NINL: variants seen among roughly 807,000 people sequenced by gnomAD.
NINL encodes ninein like, also known as ninein-like protein.
A neutral mutation model predicts 160.3 loss-of-function variants in NINL; 153 were observed. The observed-to-expected ratio is 0.95, with a 90% CI of 0.84 to 1.09. The LOEUF is 1.09. Among genes scored for constraint, NINL ranks in the 50% least tolerant of loss-of-function variants. The pLI, the probability that NINL is intolerant of heterozygous loss-of-function variation, is 0.00. For missense variants in NINL, 1,829 were observed against 1,764.0 expected (o/e 1.04, Z -0.66); for synonymous variants, 800 against 734.8 (o/e 1.09, Z -1.43).
intron 1 of NINL, among the ~76,000 whole-genome samples, chr20:25,576,756 C>T (rs530300558): frequency 1.3e-5 from 2 of 152,328 alleles, no homozygotes; most frequent in East Asian, 3.9e-4. Context: ...GCCACCGTGC[C>T]AGCCTGAGAA....
chr20:25,467,475 A>G lies in NINL; in HGVS notation c.3354-17T>C. On this transcript the variant is annotated splice_polypyrimidine_tract_variant and intron_variant, in intron 18 of 23. Transcript: ENST00000278886. ...ATTTCCTTCCTGTTGAAGAAGCACA[A>G]TTAACAGTGATACCACTTGTGACCA... is the stretch of plus-strand genomic sequence containing the variant. The G allele has an allele frequency of 6.3e-7, 1 of 1,596,938 alleles. No homozygotes were observed. The highest frequency in any genetic ancestry group is 8.6e-7 in the Non-Finnish European group (1 of 1,164,400).
rs1296284146 is a variant in NINL, at chr20:25,453,074, G to A, written c.*377C>T. On this transcript the variant is annotated 3_prime_UTR_variant, in exon 24 of 24. Coordinates refer to ENST00000278886, the MANE Select transcript of NINL (RefSeq NM_025176.6). ...AAATGGCAAAACTGTACAGAGCCCT[G>A]ACTTTACATTTCACTCTGACAGCCA... 6.0e-6 allele frequency: 1 copy of A among 165,612 alleles called. No homozygotes were observed. The highest frequency in any genetic ancestry group is 2.4e-5 in the African/African-American group (1 of 41,906). 10.3% of individuals were successfully genotyped at this position (165,612 alleles called of 1,614,324 possible).
At chr20:25,487,485 C>T (rs1366168425) in intron 13 of NINL, among the ~76,000 whole-genome samples, 2 of 152,114 alleles carry the variant, frequency 1.3e-5, no homozygotes, top group East Asian at 3.9e-4. Flanking sequence ...CCAGCCGTTC[C>T]TGATGCTGAC....
At chr20:25,459,794 C>T (rs2090793234) in intron 21 of NINL, among the ~76,000 whole-genome samples, 1 of 152,180 alleles carries the variant, frequency 6.6e-6, no homozygotes, top group South Asian at 2.1e-4. Context: ...CTGTAAACAT[C>T]TACTGAATGG....
intron 1 of NINL, among the ~76,000 whole-genome samples, chr20:25,569,796 C>A (rs2065034288): frequency 2.0e-5 from 3 of 152,176 alleles, no homozygotes; most frequent in Admixed American, 2.0e-4. Context: ...CAACTGAGCC[C>A]CACTACCCTT....
chr20:25,546,337 A>G (rs550983055), intron 1 of NINL, among the ~76,000 whole-genome samples: 1 of 152,248 alleles, frequency 6.6e-6, no homozygotes, highest in Non-Finnish European at 1.5e-5. Flanking sequence ...CTGTTATTCA[A>G]TCCAAGCTTT....
rs563173163 is a variant in NINL, at chr20:25,494,046, C to A, written c.1311-2521G>T. Among the ~76,000 whole-genome samples, 460 of 152,114 alleles carry A rather than the reference C, an allele frequency of 3.0e-3. 3 individuals are homozygous for A. Among genetic ancestry groups the A allele is most frequent in the Non-Finnish European group, 3.9e-3 (262 of 67,954 alleles). Reference sequence around the variant, plus strand: ...CCAAGAACGTACACTCCAGGGGGCCCACAGGCCGCACAGGCCCCATGCATG... The same window carrying A: ...CCAAGAACGTACACTCCAGGGGGCCAACAGGCCGCACAGGCCCCATGCATG... On this transcript the variant is annotated intron_variant, in intron 10 of 23. Transcript: ENST00000278886.
In NINL at chr20:25,453,252, T is replaced by C. The variant is rs758841446; in HGVS notation, c.*199A>G. 4.9e-5 allele frequency: 23 copies of C among 465,286 alleles called. No individual in the cohort carries two copies. The highest frequency in any genetic ancestry group is 8.1e-5 in the Non-Finnish European group (22 of 272,176). The allele number at this position is 465,286 out of a possible 1,614,324, so 28.8% of individuals were successfully genotyped here. A position where few individuals can be genotyped will look rare whatever the true frequency, so the allele number is the denominator to read the frequency against. On this transcript the variant is annotated 3_prime_UTR_variant, in exon 24 of 24. Transcript: ENST00000278886. ...GACCGCTAATAAAAACGCCGGCTTC[T>C]GCAACATGCATATTCCCCCAGCCCC...
At position 25,462,503 on chromosome 20, in the gene NINL, G is replaced by A; in HGVS notation, c.3462C>T (p.Val1154=). 6.2e-7 allele frequency: 1 copy of A among 1,614,180 alleles called. No individual in the cohort carries two copies. The change falls in exon 20 of 24, where the codon GTC becomes GTT. Residue 1154 remains valine (V), a synonymous_variant. Coordinates refer to ENST00000278886, the MANE Select transcript of NINL (RefSeq NM_025176.6). ...NYKDQLSQLN[V]RVLQLGQEAS... Reference sequence around the variant, plus strand: ...CCTCCTGTCCCAGTTGAAGAACCCTGACATTGAGCTGGGATAATTGATCCT... The same window carrying A: ...CCTCCTGTCCCAGTTGAAGAACCCTAACATTGAGCTGGGATAATTGATCCT...
chr20:25,554,636 C>CAAAACAAAACAAAAAAAAAAAAAAAAA (rs1195606239), intron 1 of NINL, among the ~76,000 whole-genome samples: 1 of 85,800 alleles, frequency 1.2e-5, no homozygotes, highest in African/African-American at 5.8e-5. Flanking sequence ...AAAAAAAAAA[C>CAAAACAAAACAAAAAAAAAAAAAAAAA]AAAAAAAAAA....
At chr20:25,533,142 A>G (rs1012727000) in intron 1 of NINL, among the ~76,000 whole-genome samples, 3 of 152,178 alleles carry the variant, frequency 2.0e-5, no homozygotes, top group African/African-American at 7.2e-5. Context: ...ACCCCGCAGA[A>G]CTGTGGAGGG....
At chr20:25,531,542 C>T (rs866814315) in intron 1 of NINL, among the ~76,000 whole-genome samples, 23 of 152,296 alleles carry the variant, frequency 1.5e-4, no homozygotes, top group African/African-American at 4.6e-4. Context: ...AATAAATGTC[C>T]ATGAAATCTT....
intron 1 of NINL, among the ~76,000 whole-genome samples, chr20:25,539,387 G>A (rs553203322): frequency 1.3e-5 from 2 of 152,328 alleles, no homozygotes; most frequent in East Asian, 1.9e-4. Context: ...GCCCCTGAGC[G>A]GCCAAGGCAG....
intron 1 of NINL, among the ~76,000 whole-genome samples, chr20:25,552,650 T>C (rs750398041): frequency 5.3e-5 from 8 of 152,080 alleles, no homozygotes; most frequent in East Asian, 1.9e-4. Context: ...GCCCTGAAGT[T>C]TGAAGTCAAC....
chr20:25,513,096 C>T, intron 3 of NINL, 90 bp from the exon 4 acceptor site: 1 of 1,341,318 alleles, frequency 7.5e-7, no homozygotes, highest in Admixed American at 2.2e-5. Context: ...AAGGTGCACA[C>T]TCAGCACCGA....
chr20:25,473,675 T>TACACACAC lies in NINL; in HGVS notation c.3248+2360_3248+2367dup, dbSNP rs56359105. Among the ~76,000 whole-genome samples the TACACACAC allele has an allele frequency of 4.7e-3, 654 of 137,958 alleles. 2 individuals carry two copies. Among genetic ancestry groups the TACACACAC allele is most frequent in the African/African-American group, 8.7e-3 (320 of 36,884 alleles). The allele number at this position is 137,958 out of a possible 152,430, so 90.5% of individuals were successfully genotyped here. ...CCCGTCTGTAGTAAAAATACACACA[T>TACACACAC]ACACACACACACACACACACACACA... On this transcript the variant is annotated intron_variant, in intron 17 of 23. Transcript: ENST00000278886.
intron 11 of NINL, among the ~76,000 whole-genome samples, chr20:25,490,288 C>T (rs372154497): frequency 2.8e-4 from 42 of 152,196 alleles, no homozygotes; most frequent in South Asian, 1.7e-3. Context: ...GAGCCGGGCA[C>T]GGTGGCTCAC....
chr20:25,559,538 TG>T (rs1305505825), intron 1 of NINL, among the ~76,000 whole-genome samples: 1 of 151,784 alleles, frequency 6.6e-6, no homozygotes, highest in African/African-American at 2.4e-5. Flanking sequence ...CTCACCCAGC[TG>T]GGAGGGCCTT....
chr20:25,462,686 G>A (rs1285165908), intron 19 of NINL, 145 bp from the exon 20 acceptor site: 6 of 584,442 alleles, frequency 1.0e-5, no homozygotes, highest in East Asian at 5.1e-5. Flanking sequence ...ACAGGCTCTC[G>A]CTCTGTTGCC....
Sources: allele counts gnomAD v4.1 joint callset (sites outside exome capture counted in the v4.1 genomes callset), GRCh38; gene constraint gnomAD v4.1.1; transcripts MANE v1.5; gene names NCBI Gene and HGNC (gene_info 2026-07-23, HGNC 2026-07-21).